FRMPD4: variants seen among roughly 807,000 people sequenced by gnomAD.
FRMPD4 encodes FERM and PDZ domain-containing protein 4.
Under a neutral mutation model 94.1 loss-of-function variants are expected in FRMPD4, and 22 were observed. The observed-to-expected ratio is 0.23, with a 90% CI of 0.17 to 0.33. The LOEUF (loss-of-function observed/expected upper bound fraction) is 0.33. Among genes scored for constraint, FRMPD4 ranks in the 10% least tolerant of loss-of-function variants. FRMPD4 has a pLI of 1.00. For missense variants in FRMPD4, 1,111 were observed against 1,339.9 expected (o/e 0.83, Z 2.67); for synonymous variants, 631 against 548.6 (o/e 1.15, Z -2.10).
chrX:12,193,786 G>A (rs765166509), intron 1 of FRMPD4, among the ~76,000 whole-genome samples: 9,094 of 26,602 alleles, frequency 0.34, 1,788 homozygotes, highest in African/African-American at 0.45. Flanking sequence ...AAGGAAGGAA[G>A]GAAGGAAGGA....
At chrX:12,348,364 T>G (rs2055747462) in intron 1 of FRMPD4, among the ~76,000 whole-genome samples, 1 of 108,290 alleles carries the variant, frequency 9.2e-6, no homozygotes, top group African/African-American at 3.4e-5. Context: ...ACTGTCATAT[T>G]TCTATGAGTG....
At chrX:12,646,891 T>C (rs1217321755) in intron 4 of FRMPD4, among the ~76,000 whole-genome samples, 1 of 112,415 alleles carries the variant, frequency 8.9e-6, no homozygotes, top group Non-Finnish European at 1.9e-5. Flanking sequence ...TGTTCAATCC[T>C]GGTAAAGCTC....
chrX:12,504,580 C>A (rs970215469), intron 2 of FRMPD4, among the ~76,000 whole-genome samples: 1 of 112,369 alleles, frequency 8.9e-6, no homozygotes, highest in Non-Finnish European at 1.9e-5. Flanking sequence ...GCTGTTTATT[C>A]CCTTCATTGG....
At chrX:12,263,674 G>A (rs1350670365) in intron 1 of FRMPD4, among the ~76,000 whole-genome samples, 1 of 111,353 alleles carries the variant, frequency 9.0e-6, no homozygotes, top group Non-Finnish European at 1.9e-5. Context: ...GAGAAGTGGA[G>A]GGATCCTGGA....
At chrX:12,210,005 A>T (rs1277427833) in intron 1 of FRMPD4, among the ~76,000 whole-genome samples, 5 of 111,803 alleles carry the variant, frequency 4.5e-5, no homozygotes, top group Non-Finnish European at 7.5e-5. Context: ...CACTGAAGTG[A>T]TAGTTGCTTG....
intron 1 of FRMPD4, among the ~76,000 whole-genome samples, chrX:12,285,717 G>A: frequency 8.9e-6 from 1 of 111,915 alleles, no homozygotes. Context: ...TTGAATACTT[G>A]CTTGCTTTTT....
Position 12,141,317 on chromosome X carries a change from C to A in FRMPD4, c.41+2305C>A, listed in dbSNP as rs891829112. Among the ~76,000 whole-genome samples, 3 of 111,527 alleles carry A rather than the reference C, an allele frequency of 2.7e-5. No individual in the cohort carries two copies. In the Admixed American group the frequency reaches 2.9e-4, roughly 11 times the overall value. On this transcript the variant is annotated intron_variant, in intron 1 of 16. Coordinates refer to ENST00000675598, the MANE Select transcript of FRMPD4 (RefSeq NM_001368397.1). ...TAGTTACCCTGGGTACCTGGCCTTA[C>A]CTTTGGTTCCTACAAACTTGAGCTT...
At chrX:12,462,729 C>T (rs2057402532) in intron 1 of FRMPD4, among the ~76,000 whole-genome samples, 1 of 112,338 alleles carries the variant, frequency 8.9e-6, no homozygotes, top group Admixed American at 9.4e-5. Flanking sequence ...TGGTTCACAC[C>T]TGTATTCCCA....
At chrX:12,642,858 G>A (rs956721207) in intron 4 of FRMPD4, among the ~76,000 whole-genome samples, 6 of 112,211 alleles carry the variant, frequency 5.3e-5, no homozygotes, top group African/African-American at 1.6e-4. Context: ...AGCTGTGGTA[G>A]TGCCATTTAA....
At chrX:12,323,199 AG>A (rs1304644012) in intron 1 of FRMPD4, among the ~76,000 whole-genome samples, 2 of 111,854 alleles carry the variant, frequency 1.8e-5, no homozygotes, top group African/African-American at 6.5e-5. Flanking sequence ...AGAAGATATA[AG>A]TAGCCTTGGG....
intron 3 of FRMPD4, among the ~76,000 whole-genome samples, chrX:12,060,892 T>C (rs1431489316): frequency 8.9e-6 from 1 of 112,101 alleles, no homozygotes; most frequent in Non-Finnish European, 1.9e-5. Context: ...TTAGGAATAG[T>C]AACAATTTAT....
intron 7 of FRMPD4, among the ~76,000 whole-genome samples, chrX:12,687,729 G>C (rs142658265): frequency 3.6e-5 from 4 of 112,475 alleles, no homozygotes; most frequent in African/African-American, 1.3e-4. Flanking sequence ...TCCTCTTCCA[G>C]TGGATTCATA....
intron 1 of FRMPD4, among the ~76,000 whole-genome samples, chrX:12,417,134 C>T (rs1601918815): frequency 2.7e-5 from 3 of 111,515 alleles, no homozygotes; most frequent in East Asian, 2.8e-4. Flanking sequence ...TCTCTTTATA[C>T]ATCTGCCATC....
intron 8 of FRMPD4, among the ~76,000 whole-genome samples, chrX:12,692,272 AGAAGT>A (rs1200933590): frequency 4.5e-5 from 5 of 112,288 alleles, no homozygotes; most frequent in Non-Finnish European, 7.5e-5. Flanking sequence ...AATCAGAACT[AGAAGT>A]GAAGTGCTAA....
chrX:12,560,051 A>G (rs932333460), intron 2 of FRMPD4, among the ~76,000 whole-genome samples: 4 of 112,032 alleles, frequency 3.6e-5, no homozygotes, highest in Non-Finnish European at 5.6e-5. Context: ...GTAATTCATG[A>G]CACTTTTTTC....
intron 1 of FRMPD4, among the ~76,000 whole-genome samples, chrX:11,828,720 A>C (rs945000479): frequency 5.4e-5 from 6 of 110,997 alleles, no homozygotes; most frequent in African/African-American, 2.0e-4. Context: ...CTGGATCTTT[A>C]TGCATGTTGC....
chrX:12,521,492 A>G (rs1273301268), intron 2 of FRMPD4, among the ~76,000 whole-genome samples: 1 of 112,297 alleles, frequency 8.9e-6, no homozygotes, highest in Non-Finnish European at 1.9e-5. Context: ...TATTAATGAT[A>G]ATAATTCTCC....
In FRMPD4 at chrX:12,701,961, G is replaced by A. The variant is rs142194011; in HGVS notation, c.1021G>A (p.Ala341Thr). 53 of 1,209,053 alleles carry A rather than the reference G, an allele frequency of 4.4e-5. No individual in the cohort carries two copies. In the African/African-American group the frequency reaches 7.5e-4, roughly 17 times the overall value. ...LRLAALQMYI[A>T]TVTTKQTQKI... Reference sequence around the variant, plus strand: ...GCTGGCCGCATTACAAATGTACATTGCAACCGTTACCACCAAGCAAACGCA... The same window carrying A: ...GCTGGCCGCATTACAAATGTACATTACAACCGTTACCACCAAGCAAACGCA... The change falls in exon 10 of 17, where the codon GCA becomes ACA. Residue 341 changes from alanine (A) to threonine (T), a missense_variant. This residue lies in a region of FRMPD4 where 111 missense variants were observed against 160.7 expected (regional missense o/e 0.69). Coordinates refer to ENST00000675598, the MANE Select transcript of FRMPD4 (RefSeq NM_001368397.1).
chrX:12,214,578 G>A (rs1445339666), intron 1 of FRMPD4, among the ~76,000 whole-genome samples: 1 of 112,441 alleles, frequency 8.9e-6, no homozygotes, highest in Non-Finnish European at 1.9e-5. Flanking sequence ...GAAAAACATA[G>A]AACTCTATAA....
Sources: gnomAD v4.1 joint callset for allele counts (sites outside exome capture counted in the v4.1 genomes callset) on GRCh38, gnomAD v4.1.1 for gene constraint, gnomAD v4.1.1 regional missense constraint, MANE v1.5 for transcripts, NCBI Gene and HGNC (gene_info 2026-07-23, HGNC 2026-07-21) for gene names.